Variants in MACROD2 observed in about 807,000 individuals in gnomAD.
MACROD2 encodes the protein ADP-ribose glycohydrolase MACROD2.
In MACROD2, 36 loss-of-function variants were observed where a neutral mutation model predicts 70.4. That is an observed-to-expected ratio of 0.51 (90% CI 0.39 to 0.68). The LOEUF (loss-of-function observed/expected upper bound fraction) is 0.68, where lower values mean the gene tolerates loss of function less well. Among genes scored for constraint, MACROD2 ranks in the 30% least tolerant of loss-of-function variants. The pLI, the probability that MACROD2 is intolerant of heterozygous loss-of-function variation, is 0.00. For missense variants in MACROD2, 496 were observed against 538.4 expected (o/e 0.92, Z 0.78); for synonymous variants, 172 against 178.8 (o/e 0.96, Z 0.30).
At chr20:15,013,744 G>A (rs924400369) in intron 5 of MACROD2, among the ~76,000 whole-genome samples, 11 of 152,048 alleles carry the variant, frequency 7.2e-5, no homozygotes, top group African/African-American at 2.7e-4. Flanking sequence ...TGTATCCCAA[G>A]AGCCCTCCCT....
At chr20:14,083,366 TAAGCTGA>T (rs1227475773) in intron 2 of MACROD2, among the ~76,000 whole-genome samples, 472 of 150,906 alleles carry the variant, frequency 3.1e-3, no homozygotes, top group Non-Finnish European at 5.4e-3. Context: ...GAGGTTGCAG[TAAGCTGA>T]GACTGTGCCA....
chr20:15,196,813 C>T, intron 5 of MACROD2: 1 of 962,660 alleles, frequency 1.0e-6, no homozygotes, highest in Non-Finnish European at 1.2e-6. Flanking sequence ...TCTACCCCTC[C>T]CTTCTGCCTT....
chr20:15,534,197 C>G (rs2047843167), intron 8 of MACROD2, among the ~76,000 whole-genome samples: 1 of 152,138 alleles, frequency 6.6e-6, no homozygotes, highest in Non-Finnish European at 1.5e-5. Flanking sequence ...GAGACACAAA[C>G]CTTCAGGACC....
chr20:14,741,098 T>C (rs1453820353), intron 5 of MACROD2, among the ~76,000 whole-genome samples: 4 of 152,186 alleles, frequency 2.6e-5, no homozygotes, highest in African/African-American at 7.2e-5. Flanking sequence ...TTCATTTCGG[T>C]CATTTATATA....
intron 5 of MACROD2, among the ~76,000 whole-genome samples, chr20:15,123,354 A>G (rs2076043943): frequency 6.6e-6 from 1 of 152,142 alleles, no homozygotes; most frequent in South Asian, 2.1e-4. Flanking sequence ...ACACTTGCCC[A>G]AGACCTGTTC....
At chr20:14,776,596 G>A (rs1049343926) in intron 5 of MACROD2, among the ~76,000 whole-genome samples, 1 of 152,034 alleles carries the variant, frequency 6.6e-6, no homozygotes, top group Non-Finnish European at 1.5e-5. Flanking sequence ...ATGACATGAT[G>A]AACCCATTAG....
At chr20:15,982,630 AC>A (rs1295442549) in intron 13 of MACROD2, among the ~76,000 whole-genome samples, 1 of 152,028 alleles carries the variant, frequency 6.6e-6, no homozygotes, top group Non-Finnish European at 1.5e-5. Context: ...TGAGTCTAAC[AC>A]CTCTACACAG....
chr20:16,047,296 G>A (rs183595021), intron 17 of MACROD2, among the ~76,000 whole-genome samples: 49 of 152,300 alleles, frequency 3.2e-4, no homozygotes, highest in African/African-American at 1.2e-3. Flanking sequence ...AGAGCTCAAA[G>A]ACATAATACA....
chr20:14,917,910 G>T (rs1028143332), intron 5 of MACROD2, among the ~76,000 whole-genome samples: 1 of 152,204 alleles, frequency 6.6e-6, no homozygotes, highest in Non-Finnish European at 1.5e-5. Flanking sequence ...AACTGTGTAG[G>T]AATTCAGCAG....
intron 3 of MACROD2, among the ~76,000 whole-genome samples, chr20:14,385,569 G>A (rs988869409): frequency 1.3e-5 from 2 of 152,168 alleles, no homozygotes; most frequent in African/African-American, 2.4e-5. Context: ...GAACTTTAAA[G>A]TTTTAGTATC....
At chr20:15,379,305 A>G (rs1363565002) in intron 6 of MACROD2, among the ~76,000 whole-genome samples, 3 of 152,054 alleles carry the variant, frequency 2.0e-5, no homozygotes, top group African/African-American at 7.3e-5. Flanking sequence ...TCAAATGCAT[A>G]TTAAAGGACA....
At chr20:15,542,305 T>C (rs1274222783) in intron 8 of MACROD2, among the ~76,000 whole-genome samples, 1 of 152,202 alleles carries the variant, frequency 6.6e-6, no homozygotes, top group South Asian at 2.1e-4. Context: ...AGGGTTATTG[T>C]GAGCACAATG....
intron 4 of MACROD2, among the ~76,000 whole-genome samples, chr20:14,565,676 A>T (rs1316958162): frequency 2.6e-5 from 4 of 151,954 alleles, no homozygotes; most frequent in Admixed American, 6.6e-5. Context: ...TAAAGTTCTT[A>T]AAAAATGTTG....
intron 5 of MACROD2, among the ~76,000 whole-genome samples, chr20:15,226,464 C>A (rs1264928762): frequency 6.6e-6 from 1 of 152,132 alleles, no homozygotes; most frequent in Admixed American, 6.6e-5. Flanking sequence ...CAAGATAAAG[C>A]ATTGTCCATA....
At chr20:15,819,345 A>C (rs1396416568) in intron 8 of MACROD2, among the ~76,000 whole-genome samples, 2 of 142,492 alleles carry the variant, frequency 1.4e-5, no homozygotes, top group African/African-American at 5.1e-5. Flanking sequence ...ATAAGTATAT[A>C]ATTATATAAA....
At chr20:15,584,812 G>C (rs1014771962) in intron 8 of MACROD2, among the ~76,000 whole-genome samples, 1 of 152,182 alleles carries the variant, frequency 6.6e-6, no homozygotes, top group African/African-American at 2.4e-5. Context: ...ATTGTCTTCT[G>C]TGTCTACTTC....
chr20:14,193,430 A>G (rs568949970), intron 3 of MACROD2, among the ~76,000 whole-genome samples: 25 of 152,242 alleles, frequency 1.6e-4, no homozygotes, highest in Non-Finnish European at 2.9e-4. Flanking sequence ...GGGCCCCAGA[A>G]GGAAACACAG....
intron 3 of MACROD2, among the ~76,000 whole-genome samples, chr20:14,382,674 AG>A (rs1318272211): frequency 7.4e-6 from 1 of 135,278 alleles, no homozygotes; most frequent in Non-Finnish European, 1.7e-5. Context: ...GTCTCAAAAA[AG>A]ATATAAATAA....
chr20:15,252,197 A>G (rs1157833798), intron 6 of MACROD2, among the ~76,000 whole-genome samples: 1 of 152,252 alleles, frequency 6.6e-6, no homozygotes, highest in Non-Finnish European at 1.5e-5. Flanking sequence ...AGCATTTTAC[A>G]AAACAATTCC....
Sources: gnomAD v4.1 joint callset for allele counts (sites outside exome capture counted in the v4.1 genomes callset) on GRCh38, gnomAD v4.1.1 for gene constraint, MANE v1.5 for transcripts, NCBI Gene and HGNC (gene_info 2026-07-23, HGNC 2026-07-21) for gene names.